PLCH1: variants seen among roughly 807,000 people sequenced by gnomAD.
PLCH1 encodes phospholipase C eta 1.
In PLCH1, 60 loss-of-function variants were observed where a neutral mutation model predicts 126.7. The ratio of observed to expected loss-of-function variants is 0.47; its 90% CI spans 0.38 to 0.59. PLCH1 has a LOEUF of 0.59. Among genes scored for constraint, PLCH1 ranks in the 20% least tolerant of loss-of-function variants. The pLI is 0.00. For synonymous variants in PLCH1, 719 were observed against 734.9 expected (o/e 0.98, Z 0.35); for missense variants, 1,723 against 2,040.0 (o/e 0.84, Z 2.99).
At chr3:155,613,047 T>C (rs186235531) in intron 2 of PLCH1, among the ~76,000 whole-genome samples, 2 of 151,718 alleles carry the variant, frequency 1.3e-5, no homozygotes, top group African/African-American at 4.8e-5. Context: ...CTAGAAAACC[T>C]AGAGGAGATG....
At chr3:155,623,853 C>G (rs1031053463) in intron 2 of PLCH1, among the ~76,000 whole-genome samples, 6 of 152,196 alleles carry the variant, frequency 3.9e-5, no homozygotes, top group Admixed American at 1.3e-4. Flanking sequence ...CCTTCTGAAA[C>G]TATTCCAAAC....
Position 155,586,170 on chromosome 3 carries a change from T to C in PLCH1, c.495A>G (p.Glu165=), listed in dbSNP as rs1432581482. 7 of 1,614,006 alleles carry C rather than the reference T, an allele frequency of 4.3e-6. No homozygotes were observed. In the African/African-American group the frequency reaches 8.0e-5, roughly 18 times the overall value. Residue 165 remains glutamate, a synonymous_variant, in exon 5 of 23, where the codon GAA becomes GAG. Transcript: ENST00000460012. ...HDQWVKQTFE[E]ADKNGDGLLN... Reference sequence around the variant, plus strand: ...GCAAGCCGTCACCATTCTTATCAGCTTCCTCAAAGGTCTGCTTCACCCATG... The same window carrying C: ...GCAAGCCGTCACCATTCTTATCAGCCTCCTCAAAGGTCTGCTTCACCCATG...
intron 15 of PLCH1, among the ~76,000 whole-genome samples, chr3:155,495,292 C>T (rs1716873326): frequency 6.6e-6 from 1 of 152,152 alleles, no homozygotes; most frequent in African/African-American, 2.4e-5. Flanking sequence ...CTCACAGAAG[C>T]TGCAAATTTG....
chr3:155,542,102 G>T (rs555840126), intron 10 of PLCH1, among the ~76,000 whole-genome samples: 1 of 152,350 alleles, frequency 6.6e-6, no homozygotes, highest in South Asian at 2.1e-4. Context: ...ATCGGGAAGC[G>T]CAAGGGGTCA....
In PLCH1 at chr3:155,554,201, C is replaced by T; in HGVS notation, c.1070-5G>A. 2 of 1,610,098 alleles carry T rather than the reference C, an allele frequency of 1.2e-6. No individual in the cohort carries two copies. The highest frequency in any genetic ancestry group is 1.7e-6 in the Non-Finnish European group (2 of 1,178,618). ...CTGGGCCATCCCAACAGTCAACTGC[C>T]AAAAACAGAACTTTATATCAACAAC... On this transcript the variant is annotated splice_polypyrimidine_tract_variant and splice_region_variant and intron_variant, in intron 8 of 22. Transcript: ENST00000460012.
chr3:155,626,054 G>A (rs1362869562), intron 2 of PLCH1, among the ~76,000 whole-genome samples: 1 of 152,152 alleles, frequency 6.6e-6, no homozygotes, highest in Admixed American at 6.5e-5. Context: ...GCCATAAAAA[G>A]GATGAGTTCA....
intron 2 of PLCH1, among the ~76,000 whole-genome samples, chr3:155,671,938 T>C (rs190259296): frequency 6.6e-6 from 1 of 152,302 alleles, no homozygotes; most frequent in East Asian, 1.9e-4. Flanking sequence ...ACTGTATTTT[T>C]CGTTAATAGT....
rs988080774 is a variant in PLCH1, at chr3:155,546,599, G to C, written c.1362+3188C>G. Among the ~76,000 whole-genome samples the C allele has an allele frequency of 5.3e-5, 8 of 152,180 alleles. No homozygotes were observed. The South Asian group carries it at 1.2e-3, about 24-fold the overall frequency. ...ACGCCAAGTCAATCCTAAGCCAAAAGAACAAGGCTGGAGGCATCACGCTGC... is the reference window on the plus strand; with the variant it reads ...ACGCCAAGTCAATCCTAAGCCAAAACAACAAGGCTGGAGGCATCACGCTGC... On this transcript the variant is annotated intron_variant, in intron 10 of 22. Transcript: ENST00000460012.
In PLCH1 at chr3:155,481,989, G is replaced by T; in HGVS notation, c.4037C>A (p.Ser1346Tyr). Residue 1346 changes from serine (S) to tyrosine (Y), a missense_variant, in exon 23 of 23, where the codon TCT becomes TAT. Ser to Tyr is a moderately radical substitution (Grantham distance 144, BLOSUM62 -2). This residue lies in a region of PLCH1 where 947 missense variants were observed against 977.1 expected (regional missense o/e 0.97). Coordinates refer to ENST00000460012, the MANE Select transcript of PLCH1 (RefSeq NM_014996.4). The surrounding 1 kb of genome is among the most constrained non-coding windows in gnomAD (Gnocchi z 4.2). The part of the protein sequence containing the change: ...VIADPTLCFN[S>Y]GESSLVEIDG... ...AATTTCCACAAGGCTGCTCTCCCCAGAATTGAAACAGAGAGTGGGATCAGC... is the reference window on the plus strand; with the variant it reads ...AATTTCCACAAGGCTGCTCTCCCCATAATTGAAACAGAGAGTGGGATCAGC... 8 of 1,614,164 alleles carry T rather than the reference G, an allele frequency of 5.0e-6. No homozygotes were observed. Among genetic ancestry groups the T allele is most frequent in the Non-Finnish European group, 6.8e-6 (8 of 1,180,024 alleles).
intron 10 of PLCH1, among the ~76,000 whole-genome samples, chr3:155,544,125 C>T (rs1256165228): frequency 6.6e-6 from 1 of 152,150 alleles, no homozygotes; most frequent in Admixed American, 6.5e-5. Flanking sequence ...CATCAGTGTG[C>T]TGTATTCAGG....
At chr3:155,573,955 C>T (rs1023201316) in intron 6 of PLCH1, among the ~76,000 whole-genome samples, 14 of 152,090 alleles carry the variant, frequency 9.2e-5, no homozygotes, top group African/African-American at 3.1e-4. Context: ...ACTCTGTTGC[C>T]CAGGCTGGAG....
chr3:155,646,045 G>C (rs1169141209), intron 2 of PLCH1, among the ~76,000 whole-genome samples: 6 of 152,046 alleles, frequency 3.9e-5, no homozygotes, highest in African/African-American at 1.4e-4. Flanking sequence ...TTGAGAGACT[G>C]ATAAAGGACA....
chr3:155,543,233 T>C (rs1056683021), intron 10 of PLCH1, among the ~76,000 whole-genome samples: 6 of 152,016 alleles, frequency 3.9e-5, no homozygotes, highest in African/African-American at 1.4e-4. Flanking sequence ...AAGAACTACA[T>C]GAAGAATGCA....
At position 155,537,661 on chromosome 3, in the gene PLCH1, T is replaced by C. The variant is rs138450663; in HGVS notation, c.1362+12126A>G. Reference sequence around the variant, plus strand: ...TTAAAAAAAACAAAGAGGGACACTATACCATGATAAAAGAACTAGTCCAGC... The same window carrying C: ...TTAAAAAAAACAAAGAGGGACACTACACCATGATAAAAGAACTAGTCCAGC... On this transcript the variant is annotated intron_variant, in intron 10 of 22. Coordinates refer to ENST00000460012, the MANE Select transcript of PLCH1 (RefSeq NM_014996.4). Among the ~76,000 whole-genome samples, 1,209 of 152,106 alleles carry C rather than the reference T, an allele frequency of 7.9e-3. 16 individuals carry two copies. Among genetic ancestry groups the C allele is most frequent in the African/African-American group, 0.028 (1,155 of 41,512 alleles).
chr3:155,497,001 C>T (rs1309570027), intron 15 of PLCH1, among the ~76,000 whole-genome samples: 1 of 152,162 alleles, frequency 6.6e-6, no homozygotes, highest in African/African-American at 2.4e-5. Context: ...GTCCTCAAGC[C>T]GGGCCTGGAC....
intron 11 of PLCH1, among the ~76,000 whole-genome samples, chr3:155,521,354 C>A (rs1721083402): frequency 6.6e-6 from 1 of 152,174 alleles, no homozygotes; most frequent in Non-Finnish European, 1.5e-5. Context: ...TCCTCCAATA[C>A]CTACAACAAT....
chr3:155,666,038 T>C (rs1379981023), intron 2 of PLCH1, among the ~76,000 whole-genome samples: 1 of 152,238 alleles, frequency 6.6e-6, no homozygotes, highest in Non-Finnish European at 1.5e-5. Flanking sequence ...AGATGTGCTA[T>C]CATTTTTTAA....
At position 155,637,802 on chromosome 3, in the gene PLCH1, G is replaced by A. The variant is rs76141000; in HGVS notation, c.80-41424C>T. Among the ~76,000 whole-genome samples, 1,095 of 152,282 alleles carry A rather than the reference G, an allele frequency of 7.2e-3. 7 individuals carry two copies. Among genetic ancestry groups the A allele is most frequent in the South Asian group, 0.021 (100 of 4,826 alleles). On this transcript the variant is annotated intron_variant, in intron 2 of 22. Transcript: ENST00000460012. ...AGTATGTTTACTCAGTGGATTTAAA[G>A]TAACCTTTCAAATCACCAACTGCAA...
At chr3:155,578,340 T>C (rs11926902) in intron 6 of PLCH1, among the ~76,000 whole-genome samples, 1 of 152,130 alleles carries the variant, frequency 6.6e-6, no homozygotes. Context: ...AATAACACTA[T>C]CTGTTTAATT....
Sources: allele counts gnomAD v4.1 joint callset (sites outside exome capture counted in the v4.1 genomes callset), GRCh38; gene constraint gnomAD v4.1.1; regional missense constraint gnomAD v4.1.1; non-coding constraint Gnocchi (gnomAD v3.1); transcripts MANE v1.5; gene names NCBI Gene and HGNC (gene_info 2026-07-23, HGNC 2026-07-21).